Variants in ZPBP observed in about 807,000 individuals in gnomAD.
ZPBP encodes zona pellucida-binding protein 1.
A neutral mutation model predicts 44.8 loss-of-function variants in ZPBP; 26 were observed. The observed-to-expected ratio is 0.58, with a 90% CI of 0.43 to 0.81. The LOEUF (loss-of-function observed/expected upper bound fraction) is 0.81. ZPBP is among the 30% of genes least tolerant of loss of function. The pLI, the probability that ZPBP is intolerant of heterozygous loss-of-function variation, is 0.00. For synonymous variants in ZPBP, 174 were observed against 153.2 expected, an observed-to-expected ratio of 1.14 and a Z score of -1.00; for missense variants, 409 against 434.0, an observed-to-expected ratio of 0.94 and a Z score of 0.51.
intron 6 of ZPBP, among the ~76,000 whole-genome samples, chr7:49,997,440 G>C (rs1387801541): frequency 1.3e-5 from 2 of 152,084 alleles, no homozygotes; most frequent in Non-Finnish European, 2.9e-5. Flanking sequence ...ATTTCTACTT[G>C]CATAAATTAG....
At chr7:49,953,542 G>C (rs1795443106) in intron 7 of ZPBP, among the ~76,000 whole-genome samples, 1 of 152,042 alleles carries the variant, frequency 6.6e-6, no homozygotes, top group African/African-American at 2.4e-5. Flanking sequence ...AAATTACAAA[G>C]CAAGACATAA....
chr7:49,847,302 GTTAC>G, downstream of ZPBP, among the ~76,000 whole-genome samples: 1 of 151,740 alleles, frequency 6.6e-6, no homozygotes, highest in African/African-American at 2.4e-5. Context: ...CTATTGACAA[GTTAC>G]TTATCCTCTT....
chr7:49,844,600 G>A, the ZPBP span, among the ~76,000 whole-genome samples: 1 of 152,232 alleles, frequency 6.6e-6, no homozygotes, highest in African/African-American at 2.4e-5. Flanking sequence ...GGAAGATTGT[G>A]AGAGCCCTGG....
chr7:49,965,159 T>G (rs1252956894), intron 7 of ZPBP, among the ~76,000 whole-genome samples: 1 of 152,028 alleles, frequency 6.6e-6, no homozygotes, highest in Admixed American at 6.6e-5. Flanking sequence ...CCAAACAACT[T>G]ACCAATGTGT....
At chr7:50,051,843 C>T (rs1800715340) in intron 4 of ZPBP, among the ~76,000 whole-genome samples, 1 of 152,030 alleles carries the variant, frequency 6.6e-6, no homozygotes, top group Non-Finnish European at 1.5e-5. Context: ...GGAAAAATAG[C>T]TAATACATGC....
intron 7 of ZPBP, chr7:49,942,419 C>A (rs532152105): frequency 8.3e-5 from 13 of 156,208 alleles, no homozygotes; most frequent in African/African-American, 3.1e-4. Flanking sequence ...AAGCATCCTG[C>A]AAGTTTTACT....
intron 2 of ZPBP, among the ~76,000 whole-genome samples, chr7:49,893,416 G>C (rs893445282): frequency 9.2e-5 from 14 of 152,184 alleles, no homozygotes; most frequent in African/African-American, 3.4e-4. Context: ...TTTTGATGAA[G>C]ATTATTTCTT....
chr7:49,841,478 T>C, the ZPBP span, among the ~76,000 whole-genome samples: 9 of 152,356 alleles, frequency 5.9e-5, no homozygotes, highest in African/African-American at 1.9e-4. Context: ...TATAAAATTT[T>C]CACTTAAACA....
At chr7:49,987,728 TTGTGTGTGTGTGTGTGTGTGTGTG>T (rs55971066) in intron 6 of ZPBP, among the ~76,000 whole-genome samples, 3 of 145,652 alleles carry the variant, frequency 2.1e-5, no homozygotes, top group African/African-American at 7.6e-5. Context: ...TATATATGTG[TTGTGTGTGTGTGTGTGTGTGTGTG>T]TGTGTGTGTG....
intron 2 of ZPBP, among the ~76,000 whole-genome samples, chr7:49,868,664 C>T (rs1791011662): frequency 6.6e-6 from 1 of 152,176 alleles, no homozygotes; most frequent in African/African-American, 2.4e-5. Flanking sequence ...GTCACCTAGG[C>T]TGAAGTGCAA....
intron 1 of ZPBP, 82 bp from the exon 2 acceptor site, chr7:50,089,791 G>A: frequency 9.2e-7 from 1 of 1,084,920 alleles, no homozygotes; most frequent in East Asian, 2.6e-5. Context: ...CTTTGGTATT[G>A]GTTGAAGGGG....
chr7:50,036,402 C>T (rs6968612), intron 4 of ZPBP, among the ~76,000 whole-genome samples: 74,451 of 151,994 alleles, frequency 0.49, 18,849 homozygotes, highest in East Asian at 0.67. Context: ...CACTCTCCTT[C>T]GCCTCCCAAA....
intron 6 of ZPBP, among the ~76,000 whole-genome samples, chr7:49,991,457 A>T: frequency 6.6e-6 from 1 of 152,138 alleles, no homozygotes; most frequent in East Asian, 1.9e-4. Flanking sequence ...ATTCTATGAA[A>T]GCTGGAATTC....
intron 6 of ZPBP, among the ~76,000 whole-genome samples, chr7:49,991,816 T>C (rs1344842388): frequency 6.6e-6 from 1 of 152,024 alleles, no homozygotes; most frequent in Non-Finnish European, 1.5e-5. Flanking sequence ...GTGTCCTAGA[T>C]ACCCTGAGAA....
At chr7:49,854,365 C>T (rs1272731437) in intron 2 of ZPBP, among the ~76,000 whole-genome samples, 1 of 152,172 alleles carries the variant, frequency 6.6e-6, no homozygotes, top group Non-Finnish European at 1.5e-5. Flanking sequence ...CACATCCTCT[C>T]CAGCACCTGT....
chr7:49,933,594 C>A (rs923733490), downstream of ZPBP, among the ~76,000 whole-genome samples: 1 of 152,134 alleles, frequency 6.6e-6, no homozygotes, highest in Admixed American at 6.5e-5. Flanking sequence ...TATAAAGACA[C>A]ATGCAAACGT....
chr7:49,844,536 T>G, the ZPBP span, among the ~76,000 whole-genome samples: 3 of 152,188 alleles, frequency 2.0e-5, no homozygotes, highest in African/African-American at 7.2e-5. Context: ...TTTCTGCTTA[T>G]TAATGGGCCA....
intron 7 of ZPBP, among the ~76,000 whole-genome samples, chr7:49,940,059 G>A (rs770984267): frequency 1.2e-4 from 18 of 152,090 alleles, no homozygotes; most frequent in East Asian, 5.8e-4. Flanking sequence ...AACAGGAACC[G>A]AACAAGTTTG....
In ZPBP at chr7:50,020,938, A is replaced by G. The variant is rs550745337; in HGVS notation, c.707-2622T>C. 7.0e-4 allele frequency among the ~76,000 whole-genome samples: 106 copies of G among 152,286 alleles called. 1 individual carries two copies. Among genetic ancestry groups the G allele is most frequent in the Non-Finnish European group, 1.1e-3 (72 of 68,002 alleles). On this transcript the variant is annotated intron_variant, in intron 5 of 7. Coordinates refer to ENST00000046087, the MANE Select transcript of ZPBP (RefSeq NM_007009.3). ...AGGTTAAATATGTGTATGTAACAAA[A>G]GTTCAGGTAAATGGAAGACAGACCT...
Sources: allele counts gnomAD v4.1 joint callset (sites outside exome capture counted in the v4.1 genomes callset), GRCh38; gene constraint gnomAD v4.1.1; transcripts MANE v1.5; gene names NCBI Gene and HGNC (gene_info 2026-07-23, HGNC 2026-07-21).